Variants in NMNAT3 observed in about 807,000 individuals in gnomAD.
The protein encoded by NMNAT3 is nicotinamide nucleotide adenylyltransferase 3.
In NMNAT3, 21 loss-of-function variants were observed where a neutral mutation model predicts 24.8. The observed-to-expected ratio is 0.85, with a 90% CI of 0.60 to 1.22. NMNAT3 has a LOEUF of 1.22. Among genes scored for constraint, NMNAT3 ranks in the 50% most tolerant of loss-of-function variants. The pLI is 0.00. For synonymous variants in NMNAT3, 136 were observed against 155.2 expected (o/e 0.88, Z 0.92); for missense variants, 387 against 436.6 (o/e 0.89, Z 1.01).
intron 2 of NMNAT3, chr3:139,635,414 G>C (rs371373406): frequency 1.3e-5 from 2 of 152,164 alleles, no homozygotes; most frequent in South Asian, 4.1e-4. Context: ...CTGGAATTCA[G>C]AGTCAATATT....
chr3:139,627,801 C>A (rs1338496087), intron 2 of NMNAT3, 37 bp from the exon 4 acceptor site: 3 of 733,374 alleles, frequency 4.1e-6, no homozygotes, highest in South Asian at 1.9e-5. Context: ...AGGGAGTTAG[C>A]ACTGAGACAA....
At chr3:139,590,809 C>T (rs1396071456) in intron 3 of NMNAT3, among the ~76,000 whole-genome samples, 1 of 152,028 alleles carries the variant, frequency 6.6e-6, no homozygotes, top group African/African-American at 2.4e-5. Context: ...TTATACTTTT[C>T]TTCAAACCAC....
intron 3 of NMNAT3, among the ~76,000 whole-genome samples, chr3:139,589,217 C>T (rs1166620077): frequency 1.3e-5 from 2 of 152,160 alleles, no homozygotes. Context: ...AGGAGGTACA[C>T]AGTGAACTAA....
At chr3:139,659,704 C>A (rs1023986616) in intron 1 of NMNAT3, among the ~76,000 whole-genome samples, 1 of 152,188 alleles carries the variant, frequency 6.6e-6, no homozygotes, top group Non-Finnish European at 1.5e-5. Flanking sequence ...CACATTAGAA[C>A]CAGCTGGGGA....
chr3:139,582,784 G>A (rs115206644), intron 4 of NMNAT3: 2 of 416,432 alleles, frequency 4.8e-6, no homozygotes, highest in East Asian at 3.7e-5. Context: ...ATATAATAAA[G>A]AGAAATAGAG....
chr3:139,596,349 A>G (rs2054459436), intron 3 of NMNAT3, among the ~76,000 whole-genome samples: 1 of 152,220 alleles, frequency 6.6e-6, no homozygotes, highest in Non-Finnish European at 1.5e-5. Flanking sequence ...AGCCATTGAC[A>G]GGGAATTCTC....
chr3:139,587,140 C>T (rs1003560971), intron 3 of NMNAT3, among the ~76,000 whole-genome samples: 2 of 152,126 alleles, frequency 1.3e-5, no homozygotes, highest in African/African-American at 2.4e-5. Flanking sequence ...TGGCATGTGG[C>T]GTGTATAGCA....
intron 1 of NMNAT3, among the ~76,000 whole-genome samples, chr3:139,650,447 GA>G: frequency 6.6e-6 from 1 of 152,200 alleles, no homozygotes; most frequent in East Asian, 1.9e-4. Flanking sequence ...CCCATTTGCA[GA>G]ATGTTAACAT....
intron 3 of NMNAT3, chr3:139,609,972 A>G (rs1380039526): frequency 2.6e-5 from 4 of 152,250 alleles, no homozygotes; most frequent in East Asian, 1.9e-4. Context: ...GTAAAACTAA[A>G]TAAGCAAAAA....
chr3:139,668,153 A>C (rs2057646073), intron 1 of NMNAT3, among the ~76,000 whole-genome samples: 7 of 152,216 alleles, frequency 4.6e-5, no homozygotes, highest in Admixed American at 4.6e-4. Context: ...GAGAAGTCAA[A>C]GAAGAAACAA....
At chr3:139,657,286 A>G (rs2057276545) in intron 1 of NMNAT3, among the ~76,000 whole-genome samples, 1 of 152,270 alleles carries the variant, frequency 6.6e-6, no homozygotes, top group African/African-American at 2.4e-5. Context: ...TTTGTAGGAA[A>G]TAAATGTAAT....
intron 3 of NMNAT3, among the ~76,000 whole-genome samples, chr3:139,605,335 T>C (rs1248153297): frequency 6.6e-6 from 1 of 152,250 alleles, no homozygotes; most frequent in African/African-American, 2.4e-5. Flanking sequence ...TCTACATATA[T>C]GGACAGGCAC....
chr3:139,645,841 C>T (rs2056853352), intron 1 of NMNAT3, among the ~76,000 whole-genome samples: 1 of 152,092 alleles, frequency 6.6e-6, no homozygotes, highest in Non-Finnish European at 1.5e-5. Flanking sequence ...GATAGGCAAA[C>T]TGGCCATTTG....
intron 6 of NMNAT3, among the ~76,000 whole-genome samples, chr3:139,561,665 AGTCT>A (rs1387142541): frequency 3.3e-5 from 5 of 152,192 alleles, no homozygotes; most frequent in Non-Finnish European, 5.9e-5. Context: ...TTCTAACAGA[AGTCT>A]GTCTGTGGTT....
intron 6 of NMNAT3, among the ~76,000 whole-genome samples, chr3:139,562,824 A>T (rs1179807013): frequency 6.6e-6 from 1 of 152,218 alleles, no homozygotes; most frequent in Non-Finnish European, 1.5e-5. Context: ...TTAAAGCAAC[A>T]TATGCAATCA....
intron 5 of NMNAT3, among the ~76,000 whole-genome samples, chr3:139,574,121 A>G (rs1938906653): frequency 6.6e-6 from 1 of 152,262 alleles, no homozygotes; most frequent in Non-Finnish European, 1.5e-5. Flanking sequence ...AGCCATGCAC[A>G]TGAAGCACTG....
chr3:139,622,849 T>G (rs1483154491), intron 3 of NMNAT3, among the ~76,000 whole-genome samples: 1 of 57,848 alleles, frequency 1.7e-5, no homozygotes. Flanking sequence ...TTATATATAT[T>G]ATATATATAT....
chr3:139,600,181 C>G (rs2054648258), intron 3 of NMNAT3, among the ~76,000 whole-genome samples: 1 of 152,206 alleles, frequency 6.6e-6, no homozygotes, highest in Non-Finnish European at 1.5e-5. Flanking sequence ...TATGAGGTTT[C>G]TCTTTCTTTA....
At chr3:139,612,266 T>G (rs1047384352) in intron 3 of NMNAT3, among the ~76,000 whole-genome samples, 1 of 151,860 alleles carries the variant, frequency 6.6e-6, no homozygotes, top group Non-Finnish European at 1.5e-5. Flanking sequence ...AGTCTAAAAC[T>G]GATAGTTTCT....
Sources: gnomAD v4.1 joint callset for allele counts (sites outside exome capture counted in the v4.1 genomes callset) on GRCh38, gnomAD v4.1.1 for gene constraint, MANE v1.5 for transcripts, NCBI Gene and HGNC (gene_info 2026-07-23, HGNC 2026-07-21) for gene names.